Variants in ARHGAP26 observed in about 807,000 individuals in gnomAD.
ARHGAP26 encodes the protein rho GTPase-activating protein 26.
In ARHGAP26, 38 loss-of-function variants were observed where a neutral mutation model predicts 104.8. The observed-to-expected ratio is 0.36, with a 90% CI of 0.28 to 0.48. ARHGAP26 has a LOEUF of 0.48. Ranked by LOEUF, ARHGAP26 falls within the 20% of genes least tolerant of loss-of-function variation. ARHGAP26 has a pLI of 0.99. For synonymous variants in ARHGAP26, 341 were observed against 340.0 expected, an observed-to-expected ratio of 1.00 and a Z score of -0.03; for missense variants, 704 against 947.9, an observed-to-expected ratio of 0.74 and a Z score of 3.38.
At chr5:142,962,602 G>GT (rs146481229) in intron 11 of ARHGAP26, among the ~76,000 whole-genome samples, 3,806 of 151,212 alleles carry the variant, frequency 0.025, 158 homozygotes, top group African/African-American at 0.086. Context: ...ATGGTGAAAG[G>GT]TTTTTTTTTG....
rs1317209591 is a variant in ARHGAP26 at position 143,226,912 on chromosome 5, C to T, written c.*4466C>T. 4 of 226,822 alleles carry T rather than the reference C, an allele frequency of 1.8e-5. No individual in the cohort carries two copies. The highest frequency in any genetic ancestry group is 2.6e-5 in the Non-Finnish European group (3 of 114,174). 14.1% of individuals were successfully genotyped at this position (226,822 alleles called of 1,614,324 possible). A position where few individuals can be genotyped will look rare whatever the true frequency, so the allele number is the denominator to read the frequency against. On this transcript the variant is annotated 3_prime_UTR_variant, in exon 23 of 23. Coordinates refer to ENST00000645722, the MANE Select transcript of ARHGAP26 (RefSeq NM_001135608.3). ...AGCTGCAGAGTTGTGTGTGCCATAC[C>T]TGCGGCTCAAAGGGAAGGCCTTCTA...
chr5:142,971,666 G>A lies in ARHGAP26; in HGVS notation c.1107+39541G>A, dbSNP rs80050933. 6.1e-3 allele frequency among the ~76,000 whole-genome samples: 924 copies of A among 152,036 alleles called. 18 individuals carry two copies. The East Asian group carries it at 0.076, about 12-fold the overall frequency. ...CCATTCTTTCTGCCAAAAAAGTCTC[G>A]TGTATTGTTTCTTGATCCTATGAAG... On this transcript the variant is annotated intron_variant, in intron 11 of 22. Coordinates refer to ENST00000645722, the MANE Select transcript of ARHGAP26 (RefSeq NM_001135608.3).
At chr5:142,821,535 G>A (rs1766186293) in intron 1 of ARHGAP26, among the ~76,000 whole-genome samples, 2 of 151,922 alleles carry the variant, frequency 1.3e-5, no homozygotes, top group African/African-American at 4.8e-5. Context: ...ATGTTTTATT[G>A]CTGGGCCATG....
At chr5:142,792,130 A>G (rs533286629) in intron 1 of ARHGAP26, among the ~76,000 whole-genome samples, 1 of 152,294 alleles carries the variant, frequency 6.6e-6, no homozygotes, top group African/African-American at 2.4e-5. Context: ...GTTTGCTGAC[A>G]GCGTTTCTGT....
chr5:143,102,865 A>G (rs535313246), intron 17 of ARHGAP26, among the ~76,000 whole-genome samples: 27 of 151,558 alleles, frequency 1.8e-4, no homozygotes, highest in Non-Finnish European at 3.4e-4. Flanking sequence ...TCCTTACAGC[A>G]TCCCAGTGCC....
At chr5:142,873,750 A>C (rs1755670053) in intron 2 of ARHGAP26, among the ~76,000 whole-genome samples, 2 of 151,290 alleles carry the variant, frequency 1.3e-5, no homozygotes, top group Non-Finnish European at 2.9e-5. Flanking sequence ...TCTCCTTTCC[A>C]CCTCCCTTTA....
intron 20 of ARHGAP26, chr5:143,202,992 A>G (rs1388328436): frequency 1.3e-5 from 2 of 152,258 alleles, no homozygotes; most frequent in Admixed American, 6.5e-5. Flanking sequence ...AACCTAGGCA[A>G]TACCATTCAG....
intron 11 of ARHGAP26, among the ~76,000 whole-genome samples, chr5:142,993,189 G>A (rs1222187650): frequency 2.9e-5 from 4 of 137,158 alleles, no homozygotes; most frequent in African/African-American, 8.3e-5. Context: ...TTGAGACGGA[G>A]TCTCGCTCTG....
At chr5:142,823,957 T>C (rs1231963799) in intron 1 of ARHGAP26, among the ~76,000 whole-genome samples, 1 of 152,186 alleles carries the variant, frequency 6.6e-6, no homozygotes, top group Non-Finnish European at 1.5e-5. Flanking sequence ...TTTCAGTGGT[T>C]TATAGACAAA....
At chr5:143,210,204 T>C in intron 21 of ARHGAP26, among the ~76,000 whole-genome samples, 1 of 151,996 alleles carries the variant, frequency 6.6e-6, no homozygotes, top group Non-Finnish European at 1.5e-5. Context: ...GGCCTCACAA[T>C]CCTGGCAGAA....
intron 10 of ARHGAP26, among the ~76,000 whole-genome samples, chr5:142,918,409 A>T (rs779812561): frequency 2.2e-4 from 34 of 152,228 alleles, no homozygotes; most frequent in Non-Finnish European, 1.5e-4. Context: ...GGCCTCCCGA[A>T]GTGCTGGGAT....
rs190177961 is a variant in ARHGAP26 at position 143,058,341 on chromosome 5, A to G, written c.1538+594A>G. On this transcript the variant is annotated intron_variant, in intron 17 of 22. Transcript: ENST00000645722. ...AAGAAGTATAAAGAATAAAGGAATT[A>G]TTTTTGGCAAATACTCACTTGTCCT... is the stretch of plus-strand genomic sequence containing the variant. Among the ~76,000 whole-genome samples, 7 of 152,348 alleles carry G rather than the reference A, an allele frequency of 4.6e-5. No individual in the cohort carries two copies. The East Asian group carries it at 1.3e-3, about 29-fold the overall frequency.
Position 143,223,238 on chromosome 5 carries a change from CT to C in ARHGAP26, c.*797del, listed in dbSNP as rs1253639197. On this transcript the variant is annotated 3_prime_UTR_variant, in exon 23 of 23. Transcript: ENST00000645722. ...TTGCATGACACATTTTTTTTCTCCC[CT>C]TTTTGGTACACTTTTTTTGAATGGT... 1 of 232,776 alleles carries C rather than the reference CT, an allele frequency of 4.3e-6. No homozygotes were observed. The highest frequency in any genetic ancestry group is 2.2e-5 in the African/African-American group (1 of 45,250). 14.4% of individuals were successfully genotyped at this position (232,776 alleles called of 1,614,324 possible).
Position 142,873,843 on chromosome 5 carries a change from G to C in ARHGAP26, c.250+348G>C, listed in dbSNP as rs974333893. Among the ~76,000 whole-genome samples, 6 of 152,244 alleles carry C rather than the reference G, an allele frequency of 3.9e-5. No individual in the cohort carries two copies. In the East Asian group the frequency reaches 1.2e-3, roughly 29 times the overall value. On this transcript the variant is annotated intron_variant, in intron 2 of 22. Transcript: ENST00000645722. The stretch of plus-strand genomic sequence containing the variant: ...CATATGTAGAACACAGGTAGATGAG[G>C]GGAAATTTAGATCAGAGGTTGCAAA...
intron 17 of ARHGAP26, among the ~76,000 whole-genome samples, chr5:143,111,792 T>C (rs9324906): frequency 0.049 from 7,425 of 152,276 alleles, 607 homozygotes; most frequent in African/African-American, 0.17. Flanking sequence ...TTGGCTGTTA[T>C]ACCTTCCAGA....
intron 19 of ARHGAP26, among the ~76,000 whole-genome samples, chr5:143,142,541 A>T (rs963848546): frequency 2.0e-4 from 30 of 152,170 alleles, no homozygotes; most frequent in African/African-American, 6.3e-4. Flanking sequence ...ATACCCAAAC[A>T]TATTACGCAG....
At chr5:142,806,450 CATA>C (rs1762997550) in intron 1 of ARHGAP26, among the ~76,000 whole-genome samples, 1 of 147,368 alleles carries the variant, frequency 6.8e-6, no homozygotes, top group Non-Finnish European at 1.5e-5. Context: ...TTGTACATGG[CATA>C]ATAAGTTATA....
chr5:143,176,278 C>T (rs7714494), intron 20 of ARHGAP26, among the ~76,000 whole-genome samples: 86,725 of 152,060 alleles, frequency 0.57, 25,535 homozygotes, highest in African/African-American at 0.73. Context: ...TGCTGCTCAG[C>T]AGACTGCATA....
At chr5:143,070,109 G>T (rs574186565) in intron 17 of ARHGAP26, among the ~76,000 whole-genome samples, 2 of 152,088 alleles carry the variant, frequency 1.3e-5, no homozygotes, top group South Asian at 4.2e-4. Flanking sequence ...AGGCAAATGT[G>T]GGGGGGTTCC....
Sources: allele counts gnomAD v4.1 joint callset (sites outside exome capture counted in the v4.1 genomes callset), GRCh38; gene constraint gnomAD v4.1.1; transcripts MANE v1.5; gene names NCBI Gene and HGNC (gene_info 2026-07-23, HGNC 2026-07-21).